STAG1: variants seen among roughly 807,000 people sequenced by gnomAD.
The protein encoded by STAG1 is STAG1 cohesin complex component, also known as cohesin subunit SA-1.
A neutral mutation model predicts 170.9 loss-of-function variants in STAG1; 26 were observed. The ratio of observed to expected loss-of-function variants is 0.15; its 90% CI spans 0.11 to 0.21. The LOEUF (loss-of-function observed/expected upper bound fraction) is 0.21. Ranked by LOEUF, STAG1 falls within the 10% of genes least tolerant of loss-of-function variation. STAG1 has a pLI of 1.00. For synonymous variants in STAG1, 514 were observed against 497.7 expected (o/e 1.03, Z -0.44); for missense variants, 964 against 1,509.5 (o/e 0.64, Z 5.99).
intron 1 of STAG1, among the ~76,000 whole-genome samples, chr3:136,656,755 T>C (rs1419608397): frequency 6.6e-6 from 1 of 151,942 alleles, no homozygotes; most frequent in African/African-American, 2.4e-5. Context: ...TGCCATGAAC[T>C]GTGGTCAGGA....
intron 7 of STAG1, among the ~76,000 whole-genome samples, chr3:136,510,050 A>G (rs1260816865): frequency 6.6e-6 from 1 of 152,180 alleles, no homozygotes; most frequent in Non-Finnish European, 1.5e-5. Flanking sequence ...TTAAAAAACA[A>G]TTTTTCTGGA....
chr3:136,633,763 A>G (rs1940432158), intron 1 of STAG1, among the ~76,000 whole-genome samples: 1 of 143,846 alleles, frequency 7.0e-6, no homozygotes, highest in African/African-American at 2.6e-5. Flanking sequence ...CAAGAGGATC[A>G]CTGGTGGGGG....
intron 4 of STAG1, among the ~76,000 whole-genome samples, chr3:136,584,882 C>T (rs1937731765): frequency 6.6e-6 from 1 of 152,214 alleles, no homozygotes; most frequent in Non-Finnish European, 1.5e-5. Flanking sequence ...TAAGACTATA[C>T]ATGCCAGATT....
intron 7 of STAG1, 62 bp downstream of exon 7, chr3:136,521,151 A>G (rs1934651506): frequency 7.7e-7 from 1 of 1,290,514 alleles, no homozygotes; most frequent in Admixed American, 1.9e-5. Context: ...TTAAGTTTGT[A>G]ATCAGAATAA....
At position 136,473,643 on chromosome 3, in the gene STAG1, G is replaced by A. The variant is rs1049023485; in HGVS notation, c.1027-6C>T. 6.2e-7 allele frequency: 1 copy of A among 1,605,424 alleles called. No individual in the cohort carries two copies. The highest frequency in any genetic ancestry group is 8.5e-7 in the Non-Finnish European group (1 of 1,174,226). On this transcript the variant is annotated splice_region_variant and splice_polypyrimidine_tract_variant and intron_variant, in intron 10 of 33. Coordinates refer to ENST00000383202, the MANE Select transcript of STAG1 (RefSeq NM_005862.3). ...TTCAGCCTGACTTCCCCTTGCTTCA[G>A]AAATACAAATAAAAGCACAACAGAA...
intron 15 of STAG1, among the ~76,000 whole-genome samples, chr3:136,436,845 G>C (rs1450300947): frequency 6.6e-6 from 1 of 152,116 alleles, no homozygotes; most frequent in Non-Finnish European, 1.5e-5. Flanking sequence ...AAATATGTAT[G>C]TACATCTTAA....
At chr3:136,341,114 T>C (rs1043820939) in intron 31 of STAG1, among the ~76,000 whole-genome samples, 1 of 152,168 alleles carries the variant, frequency 6.6e-6, no homozygotes, top group Non-Finnish European at 1.5e-5. Flanking sequence ...TTCACGATGT[T>C]GGCCAGGCTG....
At chr3:136,404,462 G>A (rs551468915) in intron 21 of STAG1, among the ~76,000 whole-genome samples, 22 of 152,104 alleles carry the variant, frequency 1.4e-4, no homozygotes, top group Middle Eastern at 3.4e-3. Flanking sequence ...TGAAAACTTC[G>A]GTCCCTGAAT....
intron 22 of STAG1, among the ~76,000 whole-genome samples, chr3:136,383,713 T>C (rs1349839830): frequency 6.6e-6 from 1 of 152,002 alleles, no homozygotes; most frequent in East Asian, 1.9e-4. Flanking sequence ...CCCAGCACTT[T>C]GGGAGGCCGA....
chr3:136,396,954 GA>G (rs753499506), intron 22 of STAG1, among the ~76,000 whole-genome samples: 1 of 152,048 alleles, frequency 6.6e-6, no homozygotes, highest in Non-Finnish European at 1.5e-5. Context: ...TTCTTCTAAT[GA>G]AAAAGAATTT....
At chr3:136,624,749 T>C (rs539699432) in intron 2 of STAG1, among the ~76,000 whole-genome samples, 1 of 152,346 alleles carries the variant, frequency 6.6e-6, no homozygotes, top group South Asian at 2.1e-4. Context: ...TTTGCTGATT[T>C]TCACGGTGTA....
In STAG1 at chr3:136,449,694, A is replaced by G. The variant is rs147217633; in HGVS notation, c.1428+2339T>C. ...CCATCTGAAAATTGTGCAGTAATAA[A>G]CATTACAAATTACTTCTTTAAATAA... On this transcript the variant is annotated intron_variant, in intron 14 of 33. Coordinates refer to ENST00000383202, the MANE Select transcript of STAG1 (RefSeq NM_005862.3). Among the ~76,000 whole-genome samples the G allele has an allele frequency of 9.8e-4, 149 of 152,298 alleles. 1 individual carries two copies. Among genetic ancestry groups the G allele is most frequent in the African/African-American group, 3.5e-3 (146 of 41,570 alleles).
intron 1 of STAG1, among the ~76,000 whole-genome samples, chr3:136,713,912 A>G (rs945573961): frequency 1.3e-5 from 2 of 151,864 alleles, no homozygotes; most frequent in Non-Finnish European, 2.9e-5. Context: ...AATCCCAGCT[A>G]CTCGGGTGCC....
chr3:136,701,114 T>A (rs193180559), intron 1 of STAG1, among the ~76,000 whole-genome samples: 4 of 151,160 alleles, frequency 2.6e-5, no homozygotes, highest in Admixed American at 2.0e-4. Context: ...ACTCTTGACC[T>A]CAGGTGATCC....
intron 24 of STAG1, among the ~76,000 whole-genome samples, chr3:136,367,998 T>G (rs1470376421): frequency 6.6e-6 from 1 of 152,166 alleles, no homozygotes; most frequent in Non-Finnish European, 1.5e-5. Flanking sequence ...CTTTCTTCTC[T>G]CCCTTATATG....
chr3:136,636,812 C>A (rs1310958995), intron 1 of STAG1, among the ~76,000 whole-genome samples: 1 of 152,190 alleles, frequency 6.6e-6, no homozygotes, highest in Non-Finnish European at 1.5e-5. Flanking sequence ...CCCAATTATT[C>A]CAGCTCAGAA....
At chr3:136,476,945 T>A (rs1033571307) in intron 10 of STAG1, among the ~76,000 whole-genome samples, 3 of 152,132 alleles carry the variant, frequency 2.0e-5, no homozygotes, top group African/African-American at 4.8e-5. Flanking sequence ...AAATTTTTTT[T>A]AAAAAAAAGC....
At chr3:136,433,954 T>C (rs1457182453) in intron 15 of STAG1, among the ~76,000 whole-genome samples, 1 of 152,102 alleles carries the variant, frequency 6.6e-6, no homozygotes. Flanking sequence ...TTCTACATAA[T>C]TTCAAAACTC....
chr3:136,515,521 T>C lies in STAG1; in HGVS notation c.676+5692A>G, dbSNP rs1576552216. On this transcript the variant is annotated intron_variant, in intron 7 of 33. Coordinates refer to ENST00000383202, the MANE Select transcript of STAG1 (RefSeq NM_005862.3). ...CTACCACGAGAAAGGATTATTAGTA[T>C]CTATGCTATAAAGACGAAGAAAGGC... 2.6e-5 allele frequency among the ~76,000 whole-genome samples: 4 copies of C among 152,190 alleles called. No individual in the cohort carries two copies. The South Asian group carries it at 8.3e-4, about 32-fold the overall frequency.
Sources: allele counts gnomAD v4.1 joint callset (sites outside exome capture counted in the v4.1 genomes callset), GRCh38; gene constraint gnomAD v4.1.1; transcripts MANE v1.5; gene names NCBI Gene and HGNC (gene_info 2026-07-23, HGNC 2026-07-21).